Variants in G2E3 observed in about 807,000 individuals in gnomAD.
G2E3 encodes G2/M-phase specific E3 ubiquitin protein ligase.
G2E3 carries 35 observed loss-of-function variants against 92.8 expected under a neutral mutation model. That is an observed-to-expected ratio of 0.38 (90% CI 0.29 to 0.50). The LOEUF (loss-of-function observed/expected upper bound fraction) is 0.50. Ranked by LOEUF, G2E3 falls within the 20% of genes least tolerant of loss-of-function variation. G2E3 has a pLI of 0.94. For synonymous variants in G2E3, 242 were observed against 272.4 expected (o/e 0.89, Z 1.10); for missense variants, 554 against 823.8 (o/e 0.67, Z 4.01).
At chr14:30,590,425 T>G (rs1441525291) in intron 4 of G2E3, 1 of 247,304 alleles carries the variant, frequency 4.0e-6, no homozygotes, top group East Asian at 1.0e-4. Context: ...TCCAAATTTT[T>G]CAAAGTGTGA....
Position 30,592,400 on chromosome 14 carries a change from A to G in G2E3, c.315A>G (p.Pro105=). 1.2e-6 allele frequency: 2 copies of G among 1,604,008 alleles called. No homozygotes were observed. The highest frequency in any genetic ancestry group is 1.7e-6 in the Non-Finnish European group (2 of 1,176,156). Residue 105 remains proline (P), a synonymous_variant, in exon 5 of 15, where the codon CCA becomes CCG. Transcript: ENST00000206595. The part of the protein sequence containing the change: ...APRCKRSYHF[P]CGLQRECIFQ... Reference sequence around the variant, plus strand: ...GATGTAAACGAAGTTATCATTTCCCATGTGGACTTCAGAGAGAATGTATTT... The same window carrying G: ...GATGTAAACGAAGTTATCATTTCCCGTGTGGACTTCAGAGAGAATGTATTT...
intron 8 of G2E3, among the ~76,000 whole-genome samples, chr14:30,599,251 G>A (rs1881443636): frequency 6.6e-6 from 1 of 151,996 alleles, no homozygotes; most frequent in African/African-American, 2.4e-5. Context: ...GTTTTGAGAT[G>A]GAGTCTTGCT....
intron 3 of G2E3, 135 bp from the exon 4 acceptor site, chr14:30,589,247 AC>A: frequency 1.8e-6 from 1 of 547,060 alleles, no homozygotes; most frequent in South Asian, 3.1e-5. Context: ...ATGAAAAATA[AC>A]TACTATAGAT....
chr14:30,601,407 C>G (rs2138879847), intron 8 of G2E3, among the ~76,000 whole-genome samples: 1 of 152,284 alleles, frequency 6.6e-6, no homozygotes, highest in East Asian at 1.9e-4. Flanking sequence ...CTGAATGTTT[C>G]TTCCATATCA....
At position 30,615,681 on chromosome 14, in the gene G2E3, C is replaced by CAA. The variant is rs568538280; in HGVS notation, c.1864+144_1864+145dup. 290 of 481,390 alleles carry CAA rather than the reference C, an allele frequency of 6.0e-4. 1 individual carries two copies. Among genetic ancestry groups the CAA allele is most frequent in the African/African-American group, 5.3e-3 (265 of 50,098 alleles). The allele number at this position is 481,390 out of a possible 1,614,324, so 29.8% of individuals were successfully genotyped here. A position where few individuals can be genotyped will look rare whatever the true frequency, so the allele number is the denominator to read the frequency against. On this transcript the variant is annotated intron_variant, in intron 14 of 14. Coordinates refer to ENST00000206595, the MANE Select transcript of G2E3 (RefSeq NM_017769.5). ...CCGTATTTACAAAAGAAAGTTATTT[C>CAA]AAAGCAAGTTTATATGACTGAATTA...
At chr14:30,585,661 ACTCC>A (rs1880675459) in intron 2 of G2E3, among the ~76,000 whole-genome samples, 1 of 105,750 alleles carries the variant, frequency 9.5e-6, no homozygotes, top group Non-Finnish European at 2.0e-5. Flanking sequence ...TTTTTTTTTT[ACTCC>A]CTCTATTGTT....
intron 1 of G2E3, among the ~76,000 whole-genome samples, chr14:30,563,695 TTGTGTGTGTGTGTGTGTGTG>T (rs56029424): frequency 2.5e-4 from 36 of 141,298 alleles, no homozygotes; most frequent in Non-Finnish European, 4.4e-4. Context: ...TTTGTTACTT[TTGTGTGTGTGTGTGTGTGTG>T]TGTGTGTGTG....
chr14:30,597,897 CTTAAAA>C (rs893145599), intron 7 of G2E3, among the ~76,000 whole-genome samples: 13 of 151,938 alleles, frequency 8.6e-5, no homozygotes, highest in African/African-American at 2.9e-4. Context: ...TGATAGTGAA[CTTAAAA>C]TTAAAAATCG....
At chr14:30,597,196 G>A (rs1476294241) in intron 6 of G2E3, among the ~76,000 whole-genome samples, 4 of 152,114 alleles carry the variant, frequency 2.6e-5, no homozygotes, top group African/African-American at 9.7e-5. Context: ...TATGGGTGAT[G>A]TAAAGCTAAG....
At chr14:30,605,964 A>G (rs1404901820) in intron 11 of G2E3, 152 bp downstream of exon 11, 3 of 452,132 alleles carry the variant, frequency 6.6e-6, no homozygotes, top group Non-Finnish European at 1.2e-5. Flanking sequence ...GAAAGTGGGA[A>G]GGGGGAGTGA....
intron 1 of G2E3, among the ~76,000 whole-genome samples, chr14:30,568,934 T>G (rs1467666927): frequency 3.9e-5 from 6 of 152,154 alleles, no homozygotes; most frequent in Non-Finnish European, 8.8e-5. Flanking sequence ...TGGTGTCCCA[T>G]TAGCATCTCT....
chr14:30,583,739 A>G (rs1880556821), intron 2 of G2E3, among the ~76,000 whole-genome samples: 2 of 152,268 alleles, frequency 1.3e-5, no homozygotes, highest in African/African-American at 4.8e-5. Context: ...ATGTACATAT[A>G]TCAAAACATC....
intron 3 of G2E3, 143 bp from the exon 4 acceptor site, chr14:30,589,240 A>G (rs1880878418): frequency 1.9e-6 from 1 of 534,526 alleles, no homozygotes. Flanking sequence ...TTTGACCATG[A>G]AAAATAACTA....
rs369211237 is a variant in G2E3 at position 30,563,674 on chromosome 14, A to G, written c.-5+4402A>G. Among the ~76,000 whole-genome samples the G allele has an allele frequency of 4.0e-5, 6 of 150,774 alleles. No homozygotes were observed. In the South Asian group the frequency reaches 1.3e-3, roughly 32 times the overall value. ...TAGTTATATATTGATAACTTAATGT[A>G]AACTTGTAACTTTGTTACTTTTGTG... On this transcript the variant is annotated intron_variant, in intron 1 of 14. Coordinates refer to ENST00000206595, the MANE Select transcript of G2E3 (RefSeq NM_017769.5).
At chr14:30,572,637 G>A (rs193028378) in intron 1 of G2E3, among the ~76,000 whole-genome samples, 73 of 151,940 alleles carry the variant, frequency 4.8e-4, no homozygotes, top group Non-Finnish European at 8.2e-4. Context: ...ACCCCTTATT[G>A]TATTAACATG....
At chr14:30,601,342 A>G (rs1881557563) in intron 8 of G2E3, among the ~76,000 whole-genome samples, 1 of 152,220 alleles carries the variant, frequency 6.6e-6, no homozygotes, top group Non-Finnish European at 1.5e-5. Flanking sequence ...ACTGCACAAT[A>G]CCTGAGGTGT....
intron 6 of G2E3, among the ~76,000 whole-genome samples, chr14:30,596,356 G>A (rs1881291429): frequency 6.6e-6 from 1 of 151,996 alleles, no homozygotes; most frequent in South Asian, 2.1e-4. Flanking sequence ...TTTCTCTAGG[G>A]CCTTAGTCCC....
intron 6 of G2E3, 35 bp from the exon 7 acceptor site, chr14:30,597,385 A>G (rs1881341010): frequency 7.0e-6 from 7 of 999,860 alleles, no homozygotes; most frequent in African/African-American, 1.6e-5. Context: ...ACAGATTTAA[A>G]TCATTAACAG....
At chr14:30,597,822 T>A (rs532226249) in intron 7 of G2E3, among the ~76,000 whole-genome samples, 1 of 152,320 alleles carries the variant, frequency 6.6e-6, no homozygotes, top group South Asian at 2.1e-4. Flanking sequence ...ATTAAGAGAA[T>A]CAAGATGTGA....
Sources: gnomAD v4.1 joint callset for allele counts (sites outside exome capture counted in the v4.1 genomes callset) on GRCh38, gnomAD v4.1.1 for gene constraint, MANE v1.5 for transcripts, NCBI Gene and HGNC (gene_info 2026-07-23, HGNC 2026-07-21) for gene names.